Variants in ERC1 observed in about 807,000 individuals in gnomAD.
ERC1 encodes the protein ELKS/RAB6-interacting/CAST family member 1, also known as RAB6 interacting protein 2.
A neutral mutation model predicts 132.0 loss-of-function variants in ERC1; 56 were observed. That is an observed-to-expected ratio of 0.42 (90% CI 0.34 to 0.53). The LOEUF (loss-of-function observed/expected upper bound fraction) is 0.53. ERC1 is among the 20% of genes least tolerant of loss of function. The pLI is 0.03. For missense variants in ERC1, 1,202 were observed against 1,349.9 expected (o/e 0.89, Z 1.72); for synonymous variants, 478 against 476.1 (o/e 1.00, Z -0.05).
At position 1,263,306 on chromosome 12, in the gene ERC1, T is replaced by C. The variant is rs1214945530; in HGVS notation, c.2619+141T>C. 3 of 715,564 alleles carry C rather than the reference T, an allele frequency of 4.2e-6. No homozygotes were observed. In the African/African-American group the frequency reaches 5.4e-5, roughly 13 times the overall value. The allele number at this position is 715,564 out of a possible 1,614,324, so 44.3% of individuals were successfully genotyped here. On this transcript the variant is annotated intron_variant, in intron 14 of 18. Transcript: ENST00000360905. ...TTCATAGAGGAGAAGTCCCAAGGAG[T>C]TCCTTCATAGCGGTATTAGATACAA...
At chr12:1,042,598 A>G (rs1274678468) in intron 2 of ERC1, among the ~76,000 whole-genome samples, 1 of 149,080 alleles carries the variant, frequency 6.7e-6, no homozygotes, top group African/African-American at 2.5e-5. Context: ...TTGGCCTCCC[A>G]AAGTGCTGGG....
intron 17 of ERC1, among the ~76,000 whole-genome samples, chr12:1,418,661 CTTTCTTTTCTTTCTTTCTT>C (rs1412029150): frequency 9.9e-6 from 1 of 100,628 alleles, no homozygotes; most frequent in African/African-American, 5.4e-5. Context: ...CTCTCTCTCT[CTTTCTTTTCTTTCTTTCTT>C]TCTTTCTTTC....
chr12:1,170,025 A>G (rs1016720747), intron 8 of ERC1, among the ~76,000 whole-genome samples: 9 of 152,206 alleles, frequency 5.9e-5, no homozygotes, highest in Non-Finnish European at 1.3e-4. Context: ...TGGCATTATC[A>G]TTAAAATTGT....
intron 7 of ERC1, among the ~76,000 whole-genome samples, chr12:1,136,822 T>C (rs1293311435): frequency 6.7e-6 from 1 of 148,286 alleles, no homozygotes; most frequent in African/African-American, 2.6e-5. Flanking sequence ...TCCATGCATT[T>C]CTCTCTGCCT....
At chr12:1,339,385 C>G (rs2083604008) in intron 15 of ERC1, among the ~76,000 whole-genome samples, 1 of 143,672 alleles carries the variant, frequency 7.0e-6, no homozygotes, top group East Asian at 2.0e-4. Flanking sequence ...ACTGCAGTGG[C>G]AGAGGCAGCT....
intron 15 of ERC1, among the ~76,000 whole-genome samples, chr12:1,298,034 C>T (rs2080097298): frequency 1.3e-5 from 2 of 152,028 alleles, no homozygotes; most frequent in Non-Finnish European, 1.5e-5. Flanking sequence ...TGAGTTTACA[C>T]TGAGTTCTGT....
At chr12:1,484,778 C>T (rs188431967) in intron 18 of ERC1, among the ~76,000 whole-genome samples, 52 of 152,150 alleles carry the variant, frequency 3.4e-4, no homozygotes, top group Admixed American at 3.3e-3. Context: ...GATGGGGTTT[C>T]ACCATGCTAG....
At chr12:1,106,091 C>T (rs1358174200) in intron 4 of ERC1, among the ~76,000 whole-genome samples, 1 of 152,178 alleles carries the variant, frequency 6.6e-6, no homozygotes, top group African/African-American at 2.4e-5. Flanking sequence ...TTCAAAATCT[C>T]GCTTCACTTA....
At chr12:995,095 C>T (rs76321248) in intron 1 of ERC1, among the ~76,000 whole-genome samples, 2 of 121,704 alleles carry the variant, frequency 1.6e-5, no homozygotes, top group African/African-American at 3.2e-5. Context: ...GACTCTGTCT[C>T]AAAAAAAAAA....
intron 7 of ERC1, chr12:1,116,243 G>T: frequency 2.4e-6 from 1 of 419,258 alleles, no homozygotes. Flanking sequence ...TGCAGTTTAT[G>T]TTTTTAATTC....
chr12:1,150,284 C>T (rs182213278), intron 8 of ERC1, among the ~76,000 whole-genome samples: 102 of 152,344 alleles, frequency 6.7e-4, no homozygotes, highest in African/African-American at 2.4e-3. Context: ...CCCCTACCCT[C>T]TCTCCCGCAG....
intron 12 of ERC1, among the ~76,000 whole-genome samples, chr12:1,227,209 G>A (rs1480531888): frequency 6.6e-6 from 1 of 152,118 alleles, no homozygotes; most frequent in Non-Finnish European, 1.5e-5. Context: ...CCTTCTTACC[G>A]TTTTCCATAA....
At chr12:1,346,960 A>G (rs545679825) in intron 15 of ERC1, among the ~76,000 whole-genome samples, 14 of 149,746 alleles carry the variant, frequency 9.3e-5, no homozygotes, top group African/African-American at 2.2e-4. Flanking sequence ...AAAAAAAAAA[A>G]AGAGAGAGAT....
intron 16 of ERC1, among the ~76,000 whole-genome samples, chr12:1,397,926 T>C (rs7978540): frequency 0.51 from 77,212 of 152,036 alleles, 22,259 homozygotes; most frequent in African/African-American, 0.79. Flanking sequence ...TTATTTCAGC[T>C]AACTTTATAA....
At chr12:1,414,297 G>A (rs1380690363) in intron 17 of ERC1, among the ~76,000 whole-genome samples, 1 of 152,168 alleles carries the variant, frequency 6.6e-6, no homozygotes, top group African/African-American at 2.4e-5. Context: ...GTTTGGTGAG[G>A]ACCCTCTTCC....
intron 18 of ERC1, among the ~76,000 whole-genome samples, chr12:1,476,411 ACT>A (rs2093976738): frequency 1.3e-5 from 2 of 152,146 alleles, no homozygotes; most frequent in Admixed American, 6.6e-5. Flanking sequence ...ACAGAGCAAG[ACT>A]CTTTCTCTTC....
intron 3 of ERC1, among the ~76,000 whole-genome samples, chr12:1,104,530 A>G (rs1945035031): frequency 1.3e-5 from 2 of 152,168 alleles, no homozygotes; most frequent in African/African-American, 4.8e-5. Context: ...TTAAATAACT[A>G]GGTGTTCAGA....
At chr12:1,122,207 C>CTATTGA in intron 7 of ERC1, among the ~76,000 whole-genome samples, 11 of 59,298 alleles carry the variant, frequency 1.9e-4, no homozygotes, top group African/African-American at 9.4e-4. Flanking sequence ...CTATCTGTGT[C>CTATTGA]TCTATCTCTA....
In ERC1 at chr12:1,491,324, G is replaced by C. The variant is rs2094316642; in HGVS notation, c.*1094G>C. 4.3e-6 allele frequency: 1 copy of C among 231,028 alleles called. No individual in the cohort carries two copies. Among genetic ancestry groups the C allele is most frequent in the African/African-American group, 2.2e-5 (1 of 45,204 alleles). 14.3% of individuals were successfully genotyped at this position (231,028 alleles called of 1,614,324 possible). On this transcript the variant is annotated 3_prime_UTR_variant, in exon 19 of 19. Coordinates refer to ENST00000360905, the MANE Select transcript of ERC1 (RefSeq NM_178040.4). ...CTCGTCTTCTCTGAACCTCAGCCTC[G>C]TGCATTGCCTGGAACCTTCTTCTAG...
Sources: allele counts gnomAD v4.1 joint callset (sites outside exome capture counted in the v4.1 genomes callset), GRCh38; gene constraint gnomAD v4.1.1; transcripts MANE v1.5; gene names NCBI Gene and HGNC (gene_info 2026-07-23, HGNC 2026-07-21).